Variants in NEMP2 observed in about 807,000 individuals in gnomAD.
The protein encoded by NEMP2 is UPF0571 transmembrane protein.
A neutral mutation model predicts 54.2 loss-of-function variants in NEMP2; 53 were observed. The observed-to-expected ratio is 0.98, with a 90% CI of 0.78 to 1.23. NEMP2 has a LOEUF of 1.23. Ranked by LOEUF, NEMP2 falls within the 50% of genes most tolerant of loss-of-function variation. NEMP2 has a pLI of 0.00. For missense variants in NEMP2, 455 were observed against 511.3 expected (o/e 0.89, Z 1.06); for synonymous variants, 197 against 190.3 (o/e 1.04, Z -0.29).
At chr2:190,538,967 G>A (rs1244961890), upstream of NEMP2, among the ~76,000 whole-genome samples, 1 of 152,124 alleles carries the variant, frequency 6.6e-6, no homozygotes. The surrounding 1 kb of genome is among the most constrained non-coding windows in gnomAD (Gnocchi z 4.1). Flanking sequence ...TTAGCTCGAT[G>A]TAATTCTGTT....
chr2:190,509,185 C>A lies in NEMP2; in HGVS notation c.*4G>T. 1 of 1,551,610 alleles carries A rather than the reference C, an allele frequency of 6.4e-7. No homozygotes were observed. Among genetic ancestry groups the A allele is most frequent in the Non-Finnish European group, 8.7e-7 (1 of 1,146,970 alleles). On this transcript the variant is annotated 3_prime_UTR_variant, in exon 9 of 9. Coordinates refer to ENST00000409150, the MANE Select transcript of NEMP2 (RefSeq NM_001142645.2). The surrounding 1 kb of genome is among the most constrained non-coding windows in gnomAD (Gnocchi z 6.1). ...CAGAATGAAGTCAACTTGAAGGTCG[C>A]ATGTCAGGCAGTACTCGGGTTAAAG...
At chr2:190,636,279 A>G in the NEMP2 span, among the ~76,000 whole-genome samples, 2 of 152,134 alleles carry the variant, frequency 1.3e-5, no homozygotes, top group South Asian at 2.1e-4. Flanking sequence ...AATTATGAGG[A>G]AAAAAAATCT....
the NEMP2 span, chr2:190,464,825 C>G: frequency 2.7e-6 from 2 of 740,926 alleles, no homozygotes; most frequent in Non-Finnish European, 3.3e-6. Flanking sequence ...TTACTCCCCT[C>G]ACAGTATATG....
In NEMP2 at chr2:190,504,970, A is replaced by G. The variant is rs1352046163; in HGVS notation, c.*4219T>C. ...ATTCTGTATGTCTTTTCTTTCAAAG[A>G]TTATTTCATTTTTCTAATAATTTAG... On this transcript the variant is annotated 3_prime_UTR_variant, in exon 9 of 9. Transcript: ENST00000409150. This position sits in a 1 kb window ranked among gnomAD's most constrained non-coding sequence, Gnocchi z 5.6. 1.3e-5 allele frequency: 2 copies of G among 152,172 alleles called. No individual in the cohort carries two copies. Among genetic ancestry groups the G allele is most frequent in the East Asian group, 1.9e-4 (1 of 5,198 alleles). 9.4% of individuals were successfully genotyped at this position (152,172 alleles called of 1,614,324 possible). A position where few individuals can be genotyped will look rare whatever the true frequency, so the allele number is the denominator to read the frequency against.
At chr2:190,630,320 C>T in the NEMP2 span, among the ~76,000 whole-genome samples, 1,206 of 152,230 alleles carry the variant, frequency 7.9e-3, 18 homozygotes, top group African/African-American at 0.028. The surrounding 1 kb of genome is among the most constrained non-coding windows in gnomAD (Gnocchi z 5.5). Context: ...TGGGTTCAAG[C>T]CATTCTCTTG....
the NEMP2 span, among the ~76,000 whole-genome samples, chr2:190,459,687 A>G: frequency 6.6e-6 from 1 of 152,226 alleles, no homozygotes; most frequent in African/African-American, 2.4e-5. The surrounding 1 kb of genome is among the most constrained non-coding windows in gnomAD (Gnocchi z 5.3). Context: ...TGGTCACAGC[A>G]CAGTGACCAG....
In NEMP2 at chr2:190,512,928, C is replaced by T. The variant is rs996078846; in HGVS notation, c.953+1525G>A. On this transcript the variant is annotated intron_variant, in intron 7 of 8. Coordinates refer to ENST00000409150, the MANE Select transcript of NEMP2 (RefSeq NM_001142645.2). The surrounding 1 kb of genome is among the most constrained non-coding windows in gnomAD (Gnocchi z 4.5). The stretch of plus-strand genomic sequence containing the variant: ...ATATTGCCACACACACACACAGTCA[C>T]CAGTTCCATAAACTACCAGTCACCA... Among the ~76,000 whole-genome samples the T allele has an allele frequency of 1.3e-5, 2 of 152,246 alleles. No homozygotes were observed. The highest frequency in any genetic ancestry group is 2.4e-5 in the African/African-American group (1 of 41,460).
At chr2:190,611,738 T>C in the NEMP2 span, among the ~76,000 whole-genome samples, 1 of 152,224 alleles carries the variant, frequency 6.6e-6, no homozygotes, top group Non-Finnish European at 1.5e-5. This position sits in a 1 kb window ranked among gnomAD's most constrained non-coding sequence, Gnocchi z 5.4. Flanking sequence ...TTACTAGAAG[T>C]ATATTTTGCT....
rs1227372833 is a variant in NEMP2 at position 190,533,455 on chromosome 2, A to C, written c.97+1104T>G. ...ATATGATAGATACTGCAGTTAAAGC[A>C]CTTATAACACTGCCTAGCACATACT... On this transcript the variant is annotated intron_variant, in intron 1 of 8. Coordinates refer to ENST00000409150, the MANE Select transcript of NEMP2 (RefSeq NM_001142645.2). The surrounding 1 kb of genome is among the most constrained non-coding windows in gnomAD (Gnocchi z 4.3). Among the ~76,000 whole-genome samples the C allele has an allele frequency of 6.6e-6, 1 of 152,230 alleles. No homozygotes were observed. The highest frequency in any genetic ancestry group is 6.5e-5 in the Admixed American group (1 of 15,292).
Position 190,509,707 on chromosome 2 carries a change from A to G in NEMP2, c.1131-395T>C, listed in dbSNP as rs77425327. Among the ~76,000 whole-genome samples the G allele has an allele frequency of 0.017, 2,530 of 152,336 alleles. 73 individuals carry two copies. Among genetic ancestry groups the G allele is most frequent in the African/African-American group, 0.057 (2,384 of 41,566 alleles). On this transcript the variant is annotated intron_variant, in intron 8 of 8. Transcript: ENST00000409150. This position sits in a 1 kb window ranked among gnomAD's most constrained non-coding sequence, Gnocchi z 6.1. Reference sequence around the variant, plus strand: ...TTATGAGGAAGAGAAAGCAATAAGGAAAAATTTTGGGACAGACGTCTTTCT... The same window carrying G: ...TTATGAGGAAGAGAAAGCAATAAGGGAAAATTTTGGGACAGACGTCTTTCT...
upstream of NEMP2, chr2:190,534,916 CTCGGCCTCGGCCTTGGCCTCCG>C: frequency 6.0e-6 from 2 of 334,124 alleles, no homozygotes; most frequent in Non-Finnish European, 1.1e-5. Context: ...CGGCCTCGGC[CTCGGCCTCGGCCTTGGCCTCCG>C]GGCCTCCAGC....
chr2:190,611,115 T>G, the NEMP2 span: 6 of 152,206 alleles, frequency 3.9e-5, no homozygotes, highest in South Asian at 1.2e-3. This position sits in a 1 kb window ranked among gnomAD's most constrained non-coding sequence, Gnocchi z 5.4. Flanking sequence ...TAGCCATAGT[T>G]AAACACACAA....
rs1315794722 is a variant in NEMP2 at position 190,508,695 on chromosome 2, T to C, written c.*494A>G. The C allele has an allele frequency of 6.5e-6, 1 of 154,020 alleles. No individual in the cohort carries two copies. Among genetic ancestry groups the C allele is most frequent in the African/African-American group, 2.4e-5 (1 of 41,474 alleles). 9.5% of individuals were successfully genotyped at this position (154,020 alleles called of 1,614,324 possible). ...ATATCAATCTTAGTTGACCTCAGAA[T>C]ACCTTTATTGACCAACACTTGGTAG... is the stretch of plus-strand genomic sequence containing the variant. On this transcript the variant is annotated 3_prime_UTR_variant, in exon 9 of 9. Coordinates refer to ENST00000409150, the MANE Select transcript of NEMP2 (RefSeq NM_001142645.2). The surrounding 1 kb of genome is among the most constrained non-coding windows in gnomAD (Gnocchi z 4.3).
At chr2:190,543,842 CTT>C in the NEMP2 span, among the ~76,000 whole-genome samples, 1 of 152,146 alleles carries the variant, frequency 6.6e-6, no homozygotes, top group Admixed American at 6.5e-5. The surrounding 1 kb of genome is among the most constrained non-coding windows in gnomAD (Gnocchi z 4.7). Flanking sequence ...TCAGCCTCTG[CTT>C]TTTTATTTCT....
the NEMP2 span, among the ~76,000 whole-genome samples, chr2:190,429,942 A>G: frequency 3.9e-5 from 6 of 151,908 alleles, no homozygotes; most frequent in African/African-American, 1.5e-4. Context: ...GGTGTGCTGC[A>G]CCCATTAACT....
downstream of NEMP2, chr2:190,499,993 A>G: frequency 6.2e-7 from 1 of 1,612,336 alleles, no homozygotes; most frequent in Non-Finnish European, 8.5e-7. The surrounding 1 kb of genome is among the most constrained non-coding windows in gnomAD (Gnocchi z 6.0). Flanking sequence ...ATCATGGGGC[A>G]TCTCCTGTTT....
the NEMP2 span, among the ~76,000 whole-genome samples, chr2:190,543,716 A>G: frequency 6.6e-6 from 1 of 152,292 alleles, no homozygotes; most frequent in Non-Finnish European, 1.5e-5. The surrounding 1 kb of genome is among the most constrained non-coding windows in gnomAD (Gnocchi z 4.7). Context: ...GTTTCTGTAG[A>G]AAAAAAGTGA....
At chr2:190,592,137 A>G in the NEMP2 span, among the ~76,000 whole-genome samples, 3 of 152,134 alleles carry the variant, frequency 2.0e-5, no homozygotes, top group African/African-American at 7.2e-5. The surrounding 1 kb of genome is among the most constrained non-coding windows in gnomAD (Gnocchi z 4.4). Flanking sequence ...CAGGGGGGAA[A>G]AGTAAGCTTT....
Position 190,508,376 on chromosome 2 carries a change from T to A in NEMP2, c.*813A>T, listed in dbSNP as rs1690245369. 6.6e-6 allele frequency: 1 copy of A among 152,228 alleles called. No individual in the cohort carries two copies. The highest frequency in any genetic ancestry group is 2.4e-5 in the African/African-American group (1 of 41,464). 9.4% of individuals were successfully genotyped at this position (152,228 alleles called of 1,614,324 possible). A position where few individuals can be genotyped will look rare whatever the true frequency, so the allele number is the denominator to read the frequency against. On this transcript the variant is annotated 3_prime_UTR_variant, in exon 9 of 9. Transcript: ENST00000409150. The surrounding 1 kb of genome is among the most constrained non-coding windows in gnomAD (Gnocchi z 4.3). ...GCTGTAGGGAGATGGCTCCTAAGCT[T>A]GCACCTGAAGATCTTGTCTACCTGA...
Sources: gnomAD v4.1 joint callset for allele counts (sites outside exome capture counted in the v4.1 genomes callset) on GRCh38, gnomAD v4.1.1 for gene constraint, Gnocchi (gnomAD v3.1) non-coding constraint, MANE v1.5 for transcripts, NCBI Gene and HGNC (gene_info 2026-07-23, HGNC 2026-07-21) for gene names.